DNASE1: variants seen among roughly 807,000 people sequenced by gnomAD.
DNASE1 encodes the protein deoxyribonuclease 1.
Under a neutral mutation model 33.9 loss-of-function variants are expected in DNASE1, and 40 were observed. The observed-to-expected ratio is 1.18, with a 90% CI of 0.92 to 1.54. The LOEUF is 1.54. DNASE1 is among the 40% of genes most tolerant of loss of function. The pLI, the probability that DNASE1 is intolerant of heterozygous loss-of-function variation, is 0.00. For missense variants in DNASE1, 518 were observed against 372.6 expected, an observed-to-expected ratio of 1.39 and a Z score of -3.21; for synonymous variants, 216 against 160.0, an observed-to-expected ratio of 1.35 and a Z score of -2.64.
At position 3,657,159 on chromosome 16, in the gene DNASE1, C is replaced by A. The variant is rs8176932; in HGVS notation, c.550-28C>A. The A allele has an allele frequency of 3.2e-4, 513 of 1,614,138 alleles. 4 individuals are homozygous for A. In the African/African-American group the frequency reaches 5.7e-3, roughly 18 times the overall value. ...GGGCACCAGCGGCCTCCGCATGTCC[C>A]AGGGCCACAGGCAGCGTTTCCTGGT... On this transcript the variant is annotated intron_variant, in intron 6 of 8. Coordinates refer to ENST00000246949, the MANE Select transcript of DNASE1 (RefSeq NM_005223.4).
chr16:3,627,242 G>C (rs2041541941), intron 1 of DNASE1, among the ~76,000 whole-genome samples: 2 of 150,706 alleles, frequency 1.3e-5, no homozygotes, highest in Admixed American at 1.3e-4. Context: ...AGCCAGTCCA[G>C]CTGTCTTTTG....
At chr16:3,654,365 CTCCTGCAGAG>C (rs1435734517), upstream of DNASE1, 2 of 398,726 alleles carry the variant, frequency 5.0e-6, no homozygotes, top group Admixed American at 4.4e-5. Context: ...GCTCCCCAGC[CTCCTGCAGAG>C]TTGCCTGCAC....
upstream of DNASE1, chr16:3,651,560 C>G (rs1183873426): frequency 6.6e-6 from 1 of 152,328 alleles, no homozygotes; most frequent in African/African-American, 2.4e-5. Flanking sequence ...GGGCTTGGAC[C>G]TACAGCTCGA....
intron 1 of DNASE1, among the ~76,000 whole-genome samples, chr16:3,619,472 C>T (rs980785475): frequency 2.0e-5 from 3 of 152,104 alleles, no homozygotes; most frequent in Non-Finnish European, 2.9e-5. Context: ...TGCCATTCTC[C>T]TGCCTCAGCC....
intron 1 of DNASE1, among the ~76,000 whole-genome samples, chr16:3,625,584 C>G (rs994307514): frequency 1.3e-5 from 2 of 152,170 alleles, no homozygotes; most frequent in South Asian, 2.1e-4. Flanking sequence ...AATCGCCTTT[C>G]TGCACTCCAG....
chr16:3,650,934 T>C (rs2042315807), upstream of DNASE1: 1 of 152,192 alleles, frequency 6.6e-6, no homozygotes, highest in Non-Finnish European at 1.5e-5. Context: ...GTAACGTTAA[T>C]GTTGAGACCA....
chr16:3,657,727 G>C lies in DNASE1; in HGVS notation c.712G>C (p.Val238Leu), dbSNP rs200149984. ...PTHCAYDRIV[V>L]AGMLLRGAVV... ...CTTCCCAACACCCATCAGGATCGTG[G>C]TTGCAGGGATGCTGCTCCGAGGCGC... Residue 238 changes from valine to leucine, a missense_variant, in exon 8 of 9, where the codon GTT becomes CTT. Physicochemically the swap from Val to Leu is conservative, Grantham distance 32 (BLOSUM62 1). Coordinates refer to ENST00000246949, the MANE Select transcript of DNASE1 (RefSeq NM_005223.4). 1 of 1,614,052 alleles carries C rather than the reference G, an allele frequency of 6.2e-7. No homozygotes were observed. Among genetic ancestry groups the C allele is most frequent in the East Asian group, 2.2e-5 (1 of 44,884 alleles).
In DNASE1 at chr16:3,656,659, G is replaced by A; in HGVS notation, c.342G>A (p.Val114=). ...GCAGGCCTGACCAGGTGTCTGCGGT[G>A]GACAGCTACTACTACGATGATGGCT... ...FVYRPDQVSA[V]DSYYYDDGCE... Residue 114 remains valine, a synonymous_variant, in exon 5 of 9, where the codon GTG becomes GTA. Transcript: ENST00000246949. 1 of 1,612,724 alleles carries A rather than the reference G, an allele frequency of 6.2e-7. No homozygotes were observed. The highest frequency in any genetic ancestry group is 8.5e-7 in the Non-Finnish European group (1 of 1,179,456).
At position 3,619,772 on chromosome 16, in the gene DNASE1, A is replaced by G. The variant is rs2041241001; in HGVS notation, c.-1359+7766A>G. On this transcript the variant is annotated intron_variant and NMD_transcript_variant, in intron 1 of 11. Transcript: ENST00000570769. ...GTGGTTCTCCTGCCTTGGCCTCCCA[A>G]AGTGCTGGGATTATAGGTGTGAGCC... Among the ~76,000 whole-genome samples, 4 of 152,152 alleles carry G rather than the reference A, an allele frequency of 2.6e-5. 1 individual carries two copies. The South Asian group carries it at 8.3e-4, about 32-fold the overall frequency.
At chr16:3,640,238 C>T (rs2041993651), upstream of DNASE1, among the ~76,000 whole-genome samples, 3 of 152,152 alleles carry the variant, frequency 2.0e-5, no homozygotes, top group African/African-American at 7.2e-5. Context: ...GTTTTTCTCA[C>T]CCAGGCACAG....
intron 1 of DNASE1, among the ~76,000 whole-genome samples, chr16:3,620,971 T>C (rs1254683386): frequency 2.0e-5 from 3 of 152,110 alleles, no homozygotes; most frequent in Non-Finnish European, 2.9e-5. Flanking sequence ...GGTTAATTTT[T>C]GTATTTTTAG....
intron 1 of DNASE1, among the ~76,000 whole-genome samples, chr16:3,632,309 T>G (rs2041723721): frequency 6.6e-6 from 1 of 152,258 alleles, no homozygotes; most frequent in Non-Finnish European, 1.5e-5. Context: ...GATAGATTGA[T>G]GTTGAAGTTT....
intron 1 of DNASE1, among the ~76,000 whole-genome samples, chr16:3,628,626 C>T (rs573665926): frequency 5.6e-4 from 85 of 151,158 alleles, no homozygotes; most frequent in Admixed American, 4.3e-3. Flanking sequence ...GGCGCAATCT[C>T]GGCTCATTGC....
chr16:3,632,568 C>G (rs980036107), intron 1 of DNASE1, among the ~76,000 whole-genome samples: 2 of 151,202 alleles, frequency 1.3e-5, no homozygotes, highest in African/African-American at 2.4e-5. Flanking sequence ...CTTTTTCCAT[C>G]TCTTTAATTT....
chr16:3,662,396 C>T, downstream of DNASE1: 3 of 579,268 alleles, frequency 5.2e-6, no homozygotes, highest in Non-Finnish European at 9.3e-6. Context: ...ATCCATCGTC[C>T]TCTGCTCCAT....
chr16:3,649,670 A>C (rs2042273907), intron 1 of DNASE1, among the ~76,000 whole-genome samples: 1 of 152,208 alleles, frequency 6.6e-6, no homozygotes, highest in South Asian at 2.1e-4. Flanking sequence ...AGGTTCAATA[A>C]TTATTTTAAT....
intron 1 of DNASE1, among the ~76,000 whole-genome samples, chr16:3,629,155 G>A (rs1296276247): frequency 7.7e-6 from 1 of 129,888 alleles, no homozygotes; most frequent in Non-Finnish European, 1.6e-5. Flanking sequence ...CTGGGCGACA[G>A]AGCAAGACTA....
chr16:3,662,049 C>A (rs1161557745), downstream of DNASE1: 19 of 1,613,456 alleles, frequency 1.2e-5, no homozygotes, highest in Non-Finnish European at 1.6e-5. Context: ...TCTTGGCCAG[C>A]TGCTGCATGC....
intron 1 of DNASE1, among the ~76,000 whole-genome samples, chr16:3,625,219 T>G (rs993927851): frequency 4.6e-5 from 7 of 152,130 alleles, no homozygotes; most frequent in Non-Finnish European, 8.8e-5. Flanking sequence ...GGCAGGAGAA[T>G]TGCTTGAGCC....
Sources: allele counts gnomAD v4.1 joint callset (sites outside exome capture counted in the v4.1 genomes callset), GRCh38; gene constraint gnomAD v4.1.1; transcripts MANE v1.5; gene names NCBI Gene and HGNC (gene_info 2026-07-23, HGNC 2026-07-21).